Variants in ATRN observed in about 807,000 individuals in gnomAD.
ATRN encodes the protein attractin, also known as attractin-2.
ATRN carries 54 observed loss-of-function variants against 178.7 expected under a neutral mutation model. The ratio of observed to expected loss-of-function variants is 0.30; its 90% CI spans 0.24 to 0.38. The LOEUF is 0.38. Among genes scored for constraint, ATRN ranks in the 10% least tolerant of loss-of-function variants. ATRN has a pLI of 1.00. For missense variants in ATRN, 1,443 were observed against 1,815.1 expected, an observed-to-expected ratio of 0.79 and a Z score of 3.73; for synonymous variants, 636 against 663.0, an observed-to-expected ratio of 0.96 and a Z score of 0.63.
At chr20:3,483,793 T>C (rs182127368) in intron 1 of ATRN, among the ~76,000 whole-genome samples, 2 of 151,672 alleles carry the variant, frequency 1.3e-5, no homozygotes, top group Admixed American at 1.3e-4. Context: ...TGACACATAT[T>C]ATTTTTCAAA....
intron 1 of ATRN, chr20:3,490,874 A>G: frequency 1.1e-6 from 1 of 918,906 alleles, no homozygotes; most frequent in South Asian, 1.3e-5. Context: ...CCATATACCT[A>G]TCTTGCATGG....
At chr20:3,538,090 A>G (rs151455) in intron 2 of ATRN, among the ~76,000 whole-genome samples, 38,095 of 145,144 alleles carry the variant, frequency 0.26, 5,621 homozygotes, top group African/African-American at 0.32. Context: ...TATATCTCCC[A>G]ATGCTATCCC....
At chr20:3,626,918 C>T (rs781322364) in intron 25 of ATRN, among the ~76,000 whole-genome samples, 5 of 151,394 alleles carry the variant, frequency 3.3e-5, no homozygotes, top group African/African-American at 4.9e-5. Context: ...TCCCAAGTAG[C>T]TGGGATTACA....
chr20:3,584,883 A>C lies in ATRN; in HGVS notation c.3184+3A>C. On this transcript the variant is annotated splice_donor_region_variant and intron_variant, in intron 18 of 28. Transcript: ENST00000262919. Reference sequence around the variant, plus strand: ...CTGGTCTTTCATTCACTGTCCAGGTAAGATGCCTTGCATATCCAAATTCAA... The same window carrying C: ...CTGGTCTTTCATTCACTGTCCAGGTCAGATGCCTTGCATATCCAAATTCAA... 6.2e-7 allele frequency: 1 copy of C among 1,612,896 alleles called. No individual in the cohort carries two copies. The highest frequency in any genetic ancestry group is 8.5e-7 in the Non-Finnish European group (1 of 1,178,856).
intron 23 of ATRN, among the ~76,000 whole-genome samples, chr20:3,603,784 G>A (rs1048948896): frequency 2.0e-5 from 3 of 152,008 alleles, no homozygotes; most frequent in Admixed American, 6.6e-5. Context: ...CACCGCACCC[G>A]GCCAGTAAAA....
chr20:3,618,623 C>G (rs1033922966), intron 24 of ATRN, among the ~76,000 whole-genome samples: 1 of 152,134 alleles, frequency 6.6e-6, no homozygotes, highest in Non-Finnish European at 1.5e-5. Flanking sequence ...AGGTTGGGAG[C>G]AGACAGATGG....
chr20:3,484,281 C>T (rs2084661286), intron 1 of ATRN, among the ~76,000 whole-genome samples: 1 of 151,428 alleles, frequency 6.6e-6, no homozygotes. Flanking sequence ...AAACCAAAAC[C>T]CACATGTAGT....
At chr20:3,591,119 A>G (rs1600137530) in intron 18 of ATRN, 50 bp from the exon 19 acceptor site, 2 of 1,499,396 alleles carry the variant, frequency 1.3e-6, no homozygotes, top group South Asian at 2.7e-5. Flanking sequence ...GAACTTAACT[A>G]CATGCAGTTC....
In ATRN at chr20:3,584,794, C is replaced by T. The variant is rs373875730; in HGVS notation, c.3098C>T (p.Thr1033Ile). The change falls in exon 18 of 29, where the codon ACA (threonine) becomes ATA (isoleucine). Residue 1033 changes from threonine (T) to isoleucine (I), a missense_variant. By Grantham distance (89) the Thr-to-Ile change is moderately conservative. Around this residue, in one of 4 missense-constraint regions of ATRN, gnomAD observed 80 missense variants for 71.5 expected, o/e 1.12. Coordinates refer to ENST00000262919, the MANE Select transcript of ATRN (RefSeq NM_139321.3). The part of the protein sequence containing the change: ...GPVKMPSQAP[T>I]GNFYPQPLLN... ...GTGAAGATGCCTTCGCAAGCCCCTACAGGAAATTTCTATCCACAGCCCCTG... is the reference window on the plus strand; with the variant it reads ...GTGAAGATGCCTTCGCAAGCCCCTATAGGAAATTTCTATCCACAGCCCCTG... 7 of 1,614,100 alleles carry T rather than the reference C, an allele frequency of 4.3e-6. No homozygotes were observed. Among genetic ancestry groups the T allele is most frequent in the Non-Finnish European group, 5.9e-6 (7 of 1,180,050 alleles).
chr20:3,474,751 AGGCCAAGCGC>A (rs1415066346), intron 1 of ATRN, among the ~76,000 whole-genome samples: 2 of 151,582 alleles, frequency 1.3e-5, no homozygotes. Flanking sequence ...ATTTTAGTCG[AGGCCAAGCGC>A]GGTGACTCAC....
intron 24 of ATRN, among the ~76,000 whole-genome samples, chr20:3,605,904 A>G (rs937601441): frequency 6.6e-6 from 1 of 152,082 alleles, no homozygotes; most frequent in African/African-American, 2.4e-5. Context: ...CCTGAACTTA[A>G]AAATTAACAA....
chr20:3,475,031 C>CAA (rs1189030441), intron 1 of ATRN, among the ~76,000 whole-genome samples: 3,487 of 54,954 alleles, frequency 0.063, 90 homozygotes, highest in Non-Finnish European at 0.1. Flanking sequence ...GACTCCATCT[C>CAA]AAAAAAAAAA....
chr20:3,611,510 A>G lies in ATRN; in HGVS notation c.3801+7248A>G, dbSNP rs192172105. On this transcript the variant is annotated intron_variant, in intron 24 of 28. Transcript: ENST00000262919. ...TCCCAGCACTTTGGGAGGCCAAGGCAGGCAGATCACCACTTGAGGTCAGGA... is the reference window on the plus strand; with the variant it reads ...TCCCAGCACTTTGGGAGGCCAAGGCGGGCAGATCACCACTTGAGGTCAGGA... 9.3e-3 allele frequency among the ~76,000 whole-genome samples: 1,419 copies of G among 152,324 alleles called. 8 individuals carry two copies. Among genetic ancestry groups the G allele is most frequent in the Non-Finnish European group, 0.015 (1,013 of 68,032 alleles).
chr20:3,474,022 A>G (rs916846266), intron 1 of ATRN, among the ~76,000 whole-genome samples: 1 of 152,094 alleles, frequency 6.6e-6, no homozygotes, highest in Non-Finnish European at 1.5e-5. Flanking sequence ...CAGGTGTTAG[A>G]CATTTAATTG....
chr20:3,488,723 A>G (rs570726873), intron 1 of ATRN, among the ~76,000 whole-genome samples: 1 of 152,318 alleles, frequency 6.6e-6, no homozygotes, highest in South Asian at 2.1e-4. Flanking sequence ...AGATTTTAGA[A>G]TCACCTTGTT....
chr20:3,650,637 T>A lies in ATRN; in HGVS notation c.*3790T>A, dbSNP rs1162032908. 1 of 152,406 alleles carries A rather than the reference T, an allele frequency of 6.6e-6. No homozygotes were observed. Among genetic ancestry groups the A allele is most frequent in the African/African-American group, 2.4e-5 (1 of 41,442 alleles). The allele number at this position is 152,406 out of a possible 1,614,324, so 9.4% of individuals were successfully genotyped here. A position where few individuals can be genotyped will look rare whatever the true frequency, so the allele number is the denominator to read the frequency against. Reference sequence around the variant, plus strand: ...CTTGATGAGAGTCAAACACCCTGCCTACAAGGAGATGTTTTGAAATGGAGA... The same window carrying A: ...CTTGATGAGAGTCAAACACCCTGCCAACAAGGAGATGTTTTGAAATGGAGA... On this transcript the variant is annotated 3_prime_UTR_variant, in exon 29 of 29. Coordinates refer to ENST00000262919, the MANE Select transcript of ATRN (RefSeq NM_139321.3).
chr20:3,621,011 C>T (rs534575891), intron 24 of ATRN, among the ~76,000 whole-genome samples: 6 of 152,104 alleles, frequency 3.9e-5, no homozygotes, highest in East Asian at 1.9e-4. Flanking sequence ...TCAGCACTAT[C>T]GTTAGTGTTA....
chr20:3,526,261 CTG>C (rs1279281210), intron 1 of ATRN, among the ~76,000 whole-genome samples: 2 of 152,068 alleles, frequency 1.3e-5, no homozygotes, highest in Non-Finnish European at 2.9e-5. Context: ...CAATAATAGA[CTG>C]TGCAAAAATT....
At chr20:3,483,515 T>A (rs553982526) in intron 1 of ATRN, among the ~76,000 whole-genome samples, 1 of 152,058 alleles carries the variant, frequency 6.6e-6, no homozygotes, top group Non-Finnish European at 1.5e-5. Flanking sequence ...CCCAGCTAAT[T>A]TTTTGTGTTT....
Sources: allele counts gnomAD v4.1 joint callset (sites outside exome capture counted in the v4.1 genomes callset), GRCh38; gene constraint gnomAD v4.1.1; regional missense constraint gnomAD v4.1.1; transcripts MANE v1.5; gene names NCBI Gene and HGNC (gene_info 2026-07-23, HGNC 2026-07-21).